Variants in CCPG1 observed in about 807,000 individuals in gnomAD.
CCPG1 encodes cell cycle progression 1.
Under a neutral mutation model 81.3 loss-of-function variants are expected in CCPG1, and 46 were observed. The observed-to-expected ratio is 0.57, with a 90% CI of 0.45 to 0.72. The LOEUF is 0.72. Among genes scored for constraint, CCPG1 ranks in the 30% least tolerant of loss-of-function variants. The pLI, the probability that CCPG1 is intolerant of heterozygous loss-of-function variation, is 0.00. For missense variants in CCPG1, 902 were observed against 937.6 expected (o/e 0.96, Z 0.50); for synonymous variants, 330 against 305.2 (o/e 1.08, Z -0.85).
chr15:55,390,644 G>A (rs537753786), intron 1 of CCPG1, among the ~76,000 whole-genome samples: 6 of 152,170 alleles, frequency 3.9e-5, no homozygotes, highest in South Asian at 4.2e-4. Context: ...TAGTAGAGAC[G>A]AGGTTTCACT....
rs763074388 is a variant in CCPG1 at position 55,359,716 on chromosome 15, A to C, written c.2057T>G (p.Leu686Arg). Reference protein sequence around the residue: ...ELDQFINKFFLNGVFIHDQKL... With the variant: ...ELDQFINKFFRNGVFIHDQKL... ...CTGATCATGTATAAAGACACCGTTTAGGAAAAACTTATTGATGAACTGATC... is the reference window on the plus strand; with the variant it reads ...CTGATCATGTATAAAGACACCGTTTCGGAAAAACTTATTGATGAACTGATC... Residue 686 changes from leucine (L) to arginine (R), a missense_variant, in exon 8 of 9, where the codon CTA becomes CGA. By Grantham distance (102) the Leu-to-Arg change is moderately radical (BLOSUM62 -2). Coordinates refer to ENST00000442196, the MANE Select transcript of CCPG1 (RefSeq NM_001204450.2). 1.9e-6 allele frequency: 3 copies of C among 1,613,556 alleles called. No individual in the cohort carries two copies. Among genetic ancestry groups the C allele is most frequent in the African/African-American group, 2.7e-5 (2 of 74,938 alleles).
chr15:55,380,100 TAAA>T (rs374941554), intron 3 of CCPG1, among the ~76,000 whole-genome samples: 1 of 130,786 alleles, frequency 7.6e-6, no homozygotes. Context: ...AACTCTGTCT[TAAA>T]AAAAAAAAAA....
rs551180303 is a variant in CCPG1 at position 55,407,171 on chromosome 15, T to C, written c.-10+1050A>G. ...TGAAACTGGAAGGCAGAGGTTGCAG[T>C]GAGCCGAGATCGCGCCACTGCACTC... On this transcript the variant is annotated intron_variant, in intron 1 of 8. Transcript: ENST00000442196. 2.0e-5 allele frequency among the ~76,000 whole-genome samples: 3 copies of C among 150,030 alleles called. No homozygotes were observed. In the East Asian group the frequency reaches 5.9e-4, roughly 30 times the overall value.
At chr15:55,365,082 A>C in intron 7 of CCPG1, 106 bp downstream of exon 7, 1 of 667,568 alleles carries the variant, frequency 1.5e-6, no homozygotes, top group Non-Finnish European at 2.6e-6. Context: ...AACAATGATC[A>C]GCATTATTAC....
rs181862480 is a variant in CCPG1 at position 55,378,528 on chromosome 15, C to T, written c.176-152G>A. On this transcript the variant is annotated intron_variant, in intron 3 of 8. Coordinates refer to ENST00000442196, the MANE Select transcript of CCPG1 (RefSeq NM_001204450.2). ...ATGTCACATACAATTATAGAAGTCA[C>T]TCCACTGTTGCTAATGAACTTCATT... 2.0e-3 allele frequency: 988 copies of T among 503,794 alleles called. 4 individuals carry two copies. The highest frequency in any genetic ancestry group is 0.013 in the Middle Eastern group (25 of 1,926). The allele number at this position is 503,794 out of a possible 1,614,324, so 31.2% of individuals were successfully genotyped here.
chr15:55,383,680 C>T (rs2056745642), intron 3 of CCPG1, among the ~76,000 whole-genome samples: 1 of 152,224 alleles, frequency 6.6e-6, no homozygotes, highest in Non-Finnish European at 1.5e-5. Context: ...GCTACTTCAC[C>T]TTGCACTTTT....
At chr15:55,397,111 C>G (rs574347203) in intron 1 of CCPG1, among the ~76,000 whole-genome samples, 3 of 151,932 alleles carry the variant, frequency 2.0e-5, no homozygotes, top group Non-Finnish European at 2.9e-5. Context: ...CTACTTCGGA[C>G]GCTGAGGCAG....
At chr15:55,358,776 C>T in intron 8 of CCPG1, 1 of 984,954 alleles carries the variant, frequency 1.0e-6, no homozygotes, top group Non-Finnish European at 1.2e-6. Context: ...AAGGCAGCTT[C>T]ACCTTTGTTC....
At chr15:55,365,419 G>GTTT (rs111247245) in intron 6 of CCPG1, 110 bp from the exon 7 acceptor site, 38 of 478,278 alleles carry the variant, frequency 7.9e-5, no homozygotes, top group Admixed American at 1.3e-4. Flanking sequence ...TCTTTTTTTT[G>GTTT]TTTTTTTTTT....
chr15:55,376,324 G>A (rs952567432), intron 5 of CCPG1, among the ~76,000 whole-genome samples: 40 of 152,132 alleles, frequency 2.6e-4, no homozygotes, highest in African/African-American at 9.4e-4. Flanking sequence ...AAGAAATCAA[G>A]CAACTCACAC....
chr15:55,371,883 A>T lies in CCPG1; in HGVS notation c.616T>A (p.Leu206Met), dbSNP rs1566971090. The T allele has an allele frequency of 1.2e-6, 2 of 1,614,004 alleles. No individual in the cohort carries two copies. Among genetic ancestry groups the T allele is most frequent in the African/African-American group, 2.7e-5 (2 of 75,020 alleles). ...CCACTACTGAACTGACGTTTACTCAACTCCTTAGAAGGTTCAGTTTCTTGT... is the reference window on the plus strand; with the variant it reads ...CCACTACTGAACTGACGTTTACTCATCTCCTTAGAAGGTTCAGTTTCTTGT... ...AEQETEPSKE[L>M]SKRQFSSGLN... The change falls in exon 6 of 9, where the codon TTG becomes ATG. Residue 206 changes from leucine (L) to methionine (M), a missense_variant. Physicochemically the swap from Leu to Met is conservative, Grantham distance 15. Coordinates refer to ENST00000442196, the MANE Select transcript of CCPG1 (RefSeq NM_001204450.2).
chr15:55,364,905 G>A (rs550867273), intron 7 of CCPG1, among the ~76,000 whole-genome samples: 1 of 152,052 alleles, frequency 6.6e-6, no homozygotes, highest in Admixed American at 6.6e-5. Context: ...AAACAAACTA[G>A]CTCTGCCAGT....
intron 7 of CCPG1, among the ~76,000 whole-genome samples, chr15:55,363,775 A>G (rs1166820293): frequency 6.8e-6 from 1 of 147,302 alleles, no homozygotes. Flanking sequence ...GGAAAAAACA[A>G]TAGCTTACTT....
chr15:55,386,805 G>A (rs1471703167), intron 2 of CCPG1, among the ~76,000 whole-genome samples: 4 of 151,926 alleles, frequency 2.6e-5, no homozygotes, highest in African/African-American at 9.7e-5. Context: ...GCTGAGGCAG[G>A]AGAATGGCGT....
chr15:55,393,531 T>C (rs1218008501), intron 1 of CCPG1, among the ~76,000 whole-genome samples: 2 of 152,164 alleles, frequency 1.3e-5, no homozygotes, highest in African/African-American at 2.4e-5. Flanking sequence ...ATGAAAAATA[T>C]GAGCATCTGA....
chr15:55,382,996 A>G (rs1298802406), intron 3 of CCPG1, among the ~76,000 whole-genome samples: 3 of 152,210 alleles, frequency 2.0e-5, no homozygotes, highest in African/African-American at 7.2e-5. Context: ...AGAATGGTGA[A>G]TCCTTTCCTG....
At chr15:55,394,338 GTAGGA>G (rs2056977277) in intron 1 of CCPG1, among the ~76,000 whole-genome samples, 1 of 152,172 alleles carries the variant, frequency 6.6e-6, no homozygotes, top group Non-Finnish European at 1.5e-5. Flanking sequence ...GGGAGAAAGT[GTAGGA>G]TAGCTCACAG....
intron 1 of CCPG1, among the ~76,000 whole-genome samples, chr15:55,390,408 T>TTA (rs1254927742): frequency 6.6e-6 from 1 of 151,582 alleles, no homozygotes; most frequent in African/African-American, 2.4e-5. Context: ...TGAAACTCCT[T>TTA]TAAACTTCAA....
intron 1 of CCPG1, among the ~76,000 whole-genome samples, chr15:55,389,638 C>T (rs541263758): frequency 1.6e-4 from 25 of 152,188 alleles, no homozygotes; most frequent in Non-Finnish European, 3.5e-4. Flanking sequence ...ATAAGGAGAC[C>T]CTCCTGGACT....
Sources: gnomAD v4.1 joint callset for allele counts (sites outside exome capture counted in the v4.1 genomes callset) on GRCh38, gnomAD v4.1.1 for gene constraint, MANE v1.5 for transcripts, NCBI Gene and HGNC (gene_info 2026-07-23, HGNC 2026-07-21) for gene names.